Variants in SPO11 observed in about 807,000 individuals in gnomAD.
SPO11 encodes meiotic recombination protein SPO11.
A neutral mutation model predicts 51.6 loss-of-function variants in SPO11; 49 were observed. The ratio of observed to expected loss-of-function variants is 0.95; its 90% confidence interval spans 0.75 to 1.20. The LOEUF (loss-of-function observed/expected upper bound fraction) is 1.20. Among genes scored for constraint, SPO11 ranks in the 50% most tolerant of loss-of-function variants. The pLI, the probability that SPO11 is intolerant of heterozygous loss-of-function variation, is 0.00. For synonymous variants in SPO11, 176 were observed against 158.2 expected, an observed-to-expected ratio of 1.11 and a Z score of -0.84; for missense variants, 431 against 473.4, an observed-to-expected ratio of 0.91 and a Z score of 0.83.
chr20:57,338,435 G>C, intron 9 of SPO11, 60 bp downstream of exon 9: 1 of 1,189,772 alleles, frequency 8.4e-7, no homozygotes. Flanking sequence ...TTGTTGTTGT[G>C]TTTTCTTCCT....
Position 57,333,709 on chromosome 20 carries a change from C to T in SPO11, c.357C>T (p.Ser119=). 1.3e-6 allele frequency: 2 copies of T among 1,508,892 alleles called. No homozygotes were observed. The highest frequency in any genetic ancestry group is 1.8e-6 in the Non-Finnish European group (2 of 1,092,010). The allele number at this position is 1,508,892 out of a possible 1,614,324, so 93.5% of individuals were successfully genotyped here. A position where few individuals can be genotyped will look rare whatever the true frequency, so the allele number is the denominator to read the frequency against. The change falls in exon 4 of 13, where the codon TCC becomes TCT. Residue 119 remains serine (S), a synonymous_variant. Transcript: ENST00000371263. ...QKFSLILKIL[S]MIYKLVQSNT... ...CAGCTCTAATCCTTAAAATATTGTC[C>T]ATGATTTATAAATTAGTACAGAGCA...
chr20:57,341,344 G>A (rs993608695), intron 11 of SPO11, among the ~76,000 whole-genome samples: 4 of 152,162 alleles, frequency 2.6e-5, no homozygotes, highest in African/African-American at 9.7e-5. Flanking sequence ...GGGTCAAAGA[G>A]GATCCCCATA....
intron 4 of SPO11, 108 bp from the exon 5 acceptor site, chr20:57,333,879 T>A (rs2066478656): frequency 1.1e-6 from 1 of 904,632 alleles, no homozygotes; most frequent in Admixed American, 2.8e-5. Context: ...ACTTTCTTTA[T>A]ATGTTGTGTT....
chr20:57,331,872 CAT>C lies in SPO11; in HGVS notation c.173_174del (p.Ile58AsnfsTer8). 6.2e-7 allele frequency: 1 copy of C among 1,606,846 alleles called. No homozygotes were observed. The highest frequency in any genetic ancestry group is 1.3e-5 in the African/African-American group (1 of 74,808). On this transcript the variant is annotated frameshift_variant, in exon 2 of 13. Coordinates refer to ENST00000371263, the MANE Select transcript of SPO11 (RefSeq NM_012444.3). LOFTEE classifies it high-confidence loss of function. ...CATCTATAGAAAATATTATCCAAGA[CAT>C]AATCACAAGCTTGGCAAGAAATGAA... ...LASIENIIQD[I>X]ITSLARNEAP...
chr20:57,340,276 GTTTT>G (rs2066565467), intron 11 of SPO11, 98 bp downstream of exon 11: 1 of 701,702 alleles, frequency 1.4e-6, no homozygotes, highest in African/African-American at 1.8e-5. Context: ...AGCTCTTAAT[GTTTT>G]TTATTTATAT....
rs2066476781 is a variant in SPO11 at position 57,333,744 on chromosome 20, C to T, written c.392C>T (p.Ala131Val). The change falls in exon 4 of 13, where the codon GCA (alanine) becomes GTA (valine). Residue 131 changes from alanine to valine, a missense_variant. Transcript: ENST00000371263. ...IYKLVQSNTY[A>V]TKRDIYYTDS... ...AAATTAGTACAGAGCAACACTTATGCAACCAAAAGGTAAATATATTGTTCT... is the reference window on the plus strand; with the variant it reads ...AAATTAGTACAGAGCAACACTTATGTAACCAAAAGGTAAATATATTGTTCT... 6.8e-7 allele frequency: 1 copy of T among 1,469,028 alleles called. No homozygotes were observed. The highest frequency in any genetic ancestry group is 9.5e-7 in the Non-Finnish European group (1 of 1,055,112). The allele number at this position is 1,469,028 out of a possible 1,614,324, so 91.0% of individuals were successfully genotyped here.
chr20:57,332,362 A>G (rs1281757632), intron 2 of SPO11, among the ~76,000 whole-genome samples: 1 of 152,198 alleles, frequency 6.6e-6, no homozygotes, highest in East Asian at 1.9e-4. Flanking sequence ...TACCAGACCA[A>G]AATAAAAGTA....
At chr20:57,334,424 G>A (rs746041595) in intron 5 of SPO11, among the ~76,000 whole-genome samples, 6 of 152,138 alleles carry the variant, frequency 3.9e-5, no homozygotes, top group Non-Finnish European at 7.4e-5. Flanking sequence ...AAAGTTCTAG[G>A]ATTACAGGCG....
rs776079065 is a variant in SPO11 at position 57,333,983 on chromosome 20, A to T, written c.402-4A>T. ...TTAAAAATATGTATTTTAAATTTTC[A>T]TAGGGACATATATTACACTGACAGT... On this transcript the variant is annotated splice_region_variant and splice_polypyrimidine_tract_variant and intron_variant, in intron 4 of 12. Coordinates refer to ENST00000371263, the MANE Select transcript of SPO11 (RefSeq NM_012444.3). 9 of 1,493,050 alleles carry T rather than the reference A, an allele frequency of 6.0e-6. No individual in the cohort carries two copies. The highest frequency in any genetic ancestry group is 1.4e-5 in the African/African-American group (1 of 70,886). 92.5% of individuals were successfully genotyped at this position (1,493,050 alleles called of 1,614,324 possible). A position where few individuals can be genotyped will look rare whatever the true frequency, so the allele number is the denominator to read the frequency against.
chr20:57,338,230 T>A, intron 8 of SPO11, 46 bp from the exon 9 acceptor site: 1 of 1,317,672 alleles, frequency 7.6e-7, no homozygotes, highest in Non-Finnish European at 1.1e-6. Context: ...TTGTAACCAT[T>A]TTATTCTACT....
chr20:57,342,532 A>G (rs1042615608), intron 11 of SPO11, among the ~76,000 whole-genome samples, 197 bp from the exon 12 acceptor site: 1 of 152,266 alleles, frequency 6.6e-6, no homozygotes, highest in East Asian at 1.9e-4. Flanking sequence ...TGGAAACACA[A>G]ACTTCCACTA....
chr20:57,334,281 A>T (rs1298660802), intron 5 of SPO11, among the ~76,000 whole-genome samples, 186 bp downstream of exon 5: 3 of 151,638 alleles, frequency 2.0e-5, no homozygotes, highest in Non-Finnish European at 4.4e-5. Flanking sequence ...CAGCCTCCCG[A>T]GTAGCTGGGA....
At chr20:57,334,927 C>T (rs938316262) in intron 6 of SPO11, 91 bp downstream of exon 6, 8 of 1,064,690 alleles carry the variant, frequency 7.5e-6, no homozygotes, top group Non-Finnish European at 1.1e-5. Flanking sequence ...TATTATGTAA[C>T]CTAGAGCTTA....
At chr20:57,333,885 G>C in intron 4 of SPO11, 102 bp from the exon 5 acceptor site, 4 of 902,932 alleles carry the variant, frequency 4.4e-6, no homozygotes, top group Non-Finnish European at 6.6e-6. Context: ...TTTATATGTT[G>C]TGTTTTCATC....
chr20:57,342,872 T>C (rs773413127), intron 12 of SPO11, 32 bp downstream of exon 12: 19 of 1,476,160 alleles, frequency 1.3e-5, no homozygotes, highest in Admixed American at 5.2e-5. Flanking sequence ...AAGTGTTGCA[T>C]GTTTAATTGT....
intron 8 of SPO11, among the ~76,000 whole-genome samples, chr20:57,337,033 G>C (rs777506833): frequency 3.3e-5 from 5 of 152,156 alleles, no homozygotes; most frequent in Non-Finnish European, 5.9e-5. Flanking sequence ...TGGTGTGATA[G>C]GCATATTTAT....
At chr20:57,336,709 C>T (rs565498132) in intron 8 of SPO11, among the ~76,000 whole-genome samples, 2 of 152,234 alleles carry the variant, frequency 1.3e-5, no homozygotes, top group African/African-American at 2.4e-5. Flanking sequence ...GTCCTTTAAC[C>T]CTGTTTGACT....
intron 8 of SPO11, 61 bp from the exon 9 acceptor site, chr20:57,338,215 T>G: frequency 8.5e-7 from 1 of 1,182,688 alleles, no homozygotes; most frequent in South Asian, 1.3e-5. Flanking sequence ...TTAATAAGAG[T>G]ATAATTGTAA....
intron 1 of SPO11, 65 bp from the exon 2 acceptor site, chr20:57,331,768 A>G (rs1417377196): frequency 1.2e-6 from 1 of 850,386 alleles, no homozygotes; most frequent in Non-Finnish European, 1.8e-6. Context: ...ATCTGGGAAA[A>G]TCTTACATAT....
Sources: gnomAD v4.1 joint callset for allele counts (sites outside exome capture counted in the v4.1 genomes callset) on GRCh38, gnomAD v4.1.1 for gene constraint, MANE v1.5 for transcripts, NCBI Gene and HGNC (gene_info 2026-07-23, HGNC 2026-07-21) for gene names.